The following RABGAP1 variants were observed in gnomAD, a reference collection of about 807,000 sequenced individuals.
The protein encoded by RABGAP1 is rab GTPase-activating protein 1.
In RABGAP1, 23 loss-of-function variants were observed where a neutral mutation model predicts 137.6. That is an observed-to-expected ratio of 0.17 (90% CI 0.12 to 0.24). The LOEUF is 0.24. Ranked by LOEUF, RABGAP1 falls within the 10% of genes least tolerant of loss-of-function variation. The probability of loss-of-function intolerance (pLI) is 1.00; values close to 1 mark genes in which losing one functional copy is unlikely to be tolerated. For missense variants in RABGAP1, 906 were observed against 1,275.8 expected (o/e 0.71, Z 4.42); for synonymous variants, 451 against 450.7 (o/e 1.00, Z -0.01).
intron 1 of RABGAP1, among the ~76,000 whole-genome samples, chr9:122,946,880 G>C (rs1049892213): frequency 6.6e-6 from 1 of 152,062 alleles, no homozygotes; most frequent in Non-Finnish European, 1.5e-5. Context: ...GTTACCTCTT[G>C]TACCTTTCAT....
Position 123,070,268 on chromosome 9 carries a change from T to A in RABGAP1, c.1909-82T>A. ...GTGTGGGTAGCATCCTCCAGGGTTCTGTATTCAAGGTCCTATAGTGCCACC... is the reference window on the plus strand; with the variant it reads ...GTGTGGGTAGCATCCTCCAGGGTTCAGTATTCAAGGTCCTATAGTGCCACC... On this transcript the variant is annotated intron_variant, in intron 14 of 25. Transcript: ENST00000373647. This position sits in a 1 kb window ranked among gnomAD's most constrained non-coding sequence, Gnocchi z 4.4. 1 of 1,589,776 alleles carries A rather than the reference T, an allele frequency of 6.3e-7. No individual in the cohort carries two copies. The highest frequency in any genetic ancestry group is 8.6e-7 in the Non-Finnish European group (1 of 1,168,218).
chr9:123,025,639 A>G (rs2031920816), intron 13 of RABGAP1, among the ~76,000 whole-genome samples: 1 of 150,358 alleles, frequency 6.7e-6, no homozygotes, highest in Admixed American at 6.7e-5. Context: ...TTAACTTAGC[A>G]TGTTCACACT....
chr9:123,097,386 C>G (rs1459528012), intron 21 of RABGAP1, among the ~76,000 whole-genome samples: 2 of 152,268 alleles, frequency 1.3e-5, no homozygotes, highest in Admixed American at 1.3e-4. Flanking sequence ...TTACTGTATT[C>G]CAGGCACTGT....
chr9:123,018,465 T>C (rs1052565693), intron 12 of RABGAP1, among the ~76,000 whole-genome samples: 3 of 152,208 alleles, frequency 2.0e-5, no homozygotes, highest in Admixed American at 1.3e-4. Flanking sequence ...AGTTCTACTA[T>C]TGTAATGCAG....
chr9:123,102,985 G>C, intron 25 of RABGAP1, 106 bp from the exon 26 acceptor site: 1 of 1,393,688 alleles, frequency 7.2e-7, no homozygotes. Flanking sequence ...ATTCCCCGAG[G>C]CCTCTCCAGA....
At chr9:122,978,523 A>C (rs888689291) in intron 2 of RABGAP1, among the ~76,000 whole-genome samples, 6 of 152,154 alleles carry the variant, frequency 3.9e-5, no homozygotes, top group African/African-American at 1.4e-4. Flanking sequence ...TAATCTCAGC[A>C]ACTTGGGAGG....
At chr9:123,080,892 C>G (rs1200585213) in intron 19 of RABGAP1, among the ~76,000 whole-genome samples, 2 of 152,138 alleles carry the variant, frequency 1.3e-5, no homozygotes, top group Non-Finnish European at 2.9e-5. Context: ...ATGGTATGAA[C>G]CGCATGGGTC....
chr9:122,979,090 G>T (rs1284048033), intron 2 of RABGAP1, among the ~76,000 whole-genome samples: 1 of 151,870 alleles, frequency 6.6e-6, no homozygotes, highest in Non-Finnish European at 1.5e-5. Context: ...TAGAGTCGGG[G>T]TCTCACCATG....
At chr9:122,983,693 CTTCGTTT>C (rs1836206424) in intron 2 of RABGAP1, among the ~76,000 whole-genome samples, 1 of 152,130 alleles carries the variant, frequency 6.6e-6, no homozygotes, top group Non-Finnish European at 1.5e-5. Context: ...TTTCCCATGA[CTTCGTTT>C]TTCTAACTCA....
chr9:123,001,887 A>G (rs1837339890), intron 10 of RABGAP1, among the ~76,000 whole-genome samples: 1 of 152,230 alleles, frequency 6.6e-6, no homozygotes, highest in Non-Finnish European at 1.5e-5. Flanking sequence ...CAAATTAATA[A>G]AAAAGCACTA....
chr9:123,016,428 G>A (rs2031233870), intron 12 of RABGAP1, among the ~76,000 whole-genome samples: 1 of 152,100 alleles, frequency 6.6e-6, no homozygotes, highest in Non-Finnish European at 1.5e-5. Context: ...GATCGCTTGA[G>A]CATAGGAGTT....
chr9:123,102,160 T>C (rs1048705342), intron 25 of RABGAP1, among the ~76,000 whole-genome samples: 3 of 152,182 alleles, frequency 2.0e-5, no homozygotes, highest in African/African-American at 4.8e-5. Context: ...AGTAAGATAG[T>C]GTGCACAAAT....
chr9:122,967,332 A>G (rs1354860202), intron 2 of RABGAP1, among the ~76,000 whole-genome samples: 3 of 152,200 alleles, frequency 2.0e-5, no homozygotes, highest in Non-Finnish European at 2.9e-5. Flanking sequence ...GACTTTTGCT[A>G]TAAAATGAGG....
chr9:123,032,201 C>T (rs997912637), intron 13 of RABGAP1, among the ~76,000 whole-genome samples: 1 of 152,156 alleles, frequency 6.6e-6, no homozygotes, highest in African/African-American at 2.4e-5. Flanking sequence ...TTATATACCC[C>T]CTCTGTGCTA....
intron 6 of RABGAP1, among the ~76,000 whole-genome samples, chr9:122,995,720 C>T (rs1407299271): frequency 6.6e-6 from 1 of 152,024 alleles, no homozygotes; most frequent in Non-Finnish European, 1.5e-5. Flanking sequence ...AGGCATGTGC[C>T]ATCACACCCA....
chr9:122,995,247 A>C (rs1836955115), intron 6 of RABGAP1, among the ~76,000 whole-genome samples: 1 of 152,226 alleles, frequency 6.6e-6, no homozygotes, highest in Non-Finnish European at 1.5e-5. Flanking sequence ...GAAGTGTTGG[A>C]CAACAGCTTA....
At chr9:123,023,182 G>A (rs2131942048) in intron 13 of RABGAP1, among the ~76,000 whole-genome samples, 1 of 152,042 alleles carries the variant, frequency 6.6e-6, no homozygotes, top group East Asian at 1.9e-4. Context: ...GATTGTTCTT[G>A]AATTTTTTCT....
At chr9:122,965,664 G>A (rs971276678) in intron 2 of RABGAP1, among the ~76,000 whole-genome samples, 13 of 152,190 alleles carry the variant, frequency 8.5e-5, no homozygotes, top group African/African-American at 3.1e-4. Flanking sequence ...GATTACAGGC[G>A]TGAGCCACCA....
Position 123,070,559 on chromosome 9 carries a change from CTT to C in RABGAP1, c.1983+139_1983+140del. ...GAATTTTAACACCTATAGCTGGAAA[CTT>C]TTTCCTTAAATTAACTTAATGTCAT... On this transcript the variant is annotated intron_variant, in intron 15 of 25. Transcript: ENST00000373647. The surrounding 1 kb of genome is among the most constrained non-coding windows in gnomAD (Gnocchi z 4.4). 1 of 1,439,520 alleles carries C rather than the reference CTT, an allele frequency of 6.9e-7. No individual in the cohort carries two copies. Among genetic ancestry groups the C allele is most frequent in the Non-Finnish European group, 9.1e-7 (1 of 1,095,726 alleles). 89.2% of individuals were successfully genotyped at this position (1,439,520 alleles called of 1,614,324 possible). A position where few individuals can be genotyped will look rare whatever the true frequency, so the allele number is the denominator to read the frequency against.
Sources: allele counts gnomAD v4.1 joint callset (sites outside exome capture counted in the v4.1 genomes callset), GRCh38; gene constraint gnomAD v4.1.1; non-coding constraint Gnocchi (gnomAD v3.1); transcripts MANE v1.5; gene names NCBI Gene and HGNC (gene_info 2026-07-23, HGNC 2026-07-21).